DLG4: variants seen among roughly 807,000 people sequenced by gnomAD.
DLG4 encodes discs large MAGUK scaffold protein 4.
A neutral mutation model predicts 93.8 loss-of-function variants in DLG4; 7 were observed. The ratio of observed to expected loss-of-function variants is 0.07; its 90% CI spans 0.04 to 0.14. The LOEUF is 0.14. DLG4 is among the 10% of genes least tolerant of loss of function. DLG4 has a pLI of 1.00. For synonymous variants in DLG4, 341 were observed against 387.6 expected (o/e 0.88, Z 1.41); for missense variants, 545 against 992.9 (o/e 0.55, Z 6.06).
Position 7,194,347 on chromosome 17 carries a change from C to A in DLG4, c.1450G>T (p.Asp484Tyr). ...CGTTTGCTGGGGATGAACCCAATGTCGTCGGTCTCACTGTCAGAGTGGACC... is the reference window on the plus strand; with the variant it reads ...CGTTTGCTGGGGATGAACCCAATGTAGTCGGTCTCACTGTCAGAGTGGACC... ...RRVHSDSETD[D>Y]IGFIPSKRRV... Residue 484 changes from aspartate (D) to tyrosine (Y), a missense_variant, in exon 12 of 20, where the codon GAC becomes TAC. This residue lies in a region of DLG4 where 428 missense variants were observed against 741.4 expected (regional missense o/e 0.58). Coordinates refer to ENST00000399506, the MANE Select transcript of DLG4 (RefSeq NM_001321075.3). The surrounding 1 kb of genome is among the most constrained non-coding windows in gnomAD (Gnocchi z 4.4). 6.2e-7 allele frequency: 1 copy of A among 1,607,532 alleles called. No individual in the cohort carries two copies.
At chr17:7,206,828 C>G (rs1300971262) in intron 2 of DLG4, among the ~76,000 whole-genome samples, 1 of 152,134 alleles carries the variant, frequency 6.6e-6, no homozygotes, top group African/African-American at 2.4e-5. Flanking sequence ...TCCTCCCCAT[C>G]TTCTTGGTGA....
At chr17:7,207,692 G>T (rs908969667) in intron 2 of DLG4, among the ~76,000 whole-genome samples, 1 of 151,010 alleles carries the variant, frequency 6.6e-6, no homozygotes. Context: ...CAACACACAC[G>T]CATACAGCAC....
Position 7,205,021 on chromosome 17 carries a change from A to G in DLG4, c.97-769T>C, listed in dbSNP as rs915560426. ...GGCCGACCAAACTCCTGAGCGCAGA[A>G]GGGATCCGCTAGCCCCGCCTCTCCT... On this transcript the variant is annotated intron_variant, in intron 2 of 19. Coordinates refer to ENST00000399506, the MANE Select transcript of DLG4 (RefSeq NM_001321075.3). 5.9e-5 allele frequency: 58 copies of G among 985,212 alleles called. 1 individual carries two copies. In the African/African-American group the frequency reaches 9.4e-4, roughly 16 times the overall value. The allele number at this position is 985,212 out of a possible 1,614,324, so 61.0% of individuals were successfully genotyped here.
Position 7,202,928 on chromosome 17 carries a change from G to A in DLG4, c.762C>T (p.Ser254=). ...AGGTTGTGATGTCTGGGGGAGCATA[G>A]CTGTCACTCAGGTAGGCATTGCTGG... ...AKPSNAYLSD[S]YAPPDITTSY... Residue 254 remains serine, a synonymous_variant, in exon 8 of 20, where the codon AGC becomes AGT. Transcript: ENST00000399506. The A allele has an allele frequency of 6.2e-7, 1 of 1,614,042 alleles. No homozygotes were observed. Among genetic ancestry groups the A allele is most frequent in the Non-Finnish European group, 8.5e-7 (1 of 1,179,896 alleles).
At position 7,189,863 on chromosome 17, in the gene DLG4, T is replaced by C. The variant is rs945286516; in HGVS notation, c.*845A>G. ...GCGCCCATCTCCCTCCACACCCAGG[T>C]CCCAAATAACCAGGCCACACACCAA... On this transcript the variant is annotated 3_prime_UTR_variant, in exon 20 of 20. Transcript: ENST00000399506. 6.6e-6 allele frequency: 1 copy of C among 152,442 alleles called. No individual in the cohort carries two copies. The highest frequency in any genetic ancestry group is 2.4e-5 in the African/African-American group (1 of 41,350). The allele number at this position is 152,442 out of a possible 1,614,324, so 9.4% of individuals were successfully genotyped here. A position where few individuals can be genotyped will look rare whatever the true frequency, so the allele number is the denominator to read the frequency against.
intron 2 of DLG4, among the ~76,000 whole-genome samples, chr17:7,205,495 T>C (rs979510220): frequency 6.6e-6 from 1 of 152,066 alleles, no homozygotes; most frequent in African/African-American, 2.4e-5. Flanking sequence ...CCAGTCTCCT[T>C]CCCGCTCTCC....
In DLG4 at chr17:7,188,038, C is replaced by A. The variant is rs1212239197; in HGVS notation, c.*2670G>T. Among the ~76,000 whole-genome samples the A allele has an allele frequency of 6.7e-6, 1 of 150,296 alleles. No homozygotes were observed. The highest frequency in any genetic ancestry group is 2.5e-5 in the African/African-American group (1 of 40,694). ...TGAGCCGAGATCGCGCCATTGCACT[C>A]CAGCTTGGGCAACAAAAGTGAAACT... is the stretch of plus-strand genomic sequence containing the variant. On this transcript the variant is annotated 3_prime_UTR_variant, in exon 20 of 20. Transcript: ENST00000399506.
In DLG4 at chr17:7,204,424, C is replaced by A. The variant is rs898260017; in HGVS notation, c.97-172G>T. On this transcript the variant is annotated intron_variant, in intron 2 of 19. Transcript: ENST00000399506. ...TCAATCCACATCACACACACGCACA[C>A]GCGTGCACATGCGCACGCGCACACA... is the stretch of plus-strand genomic sequence containing the variant. 2.7e-5 allele frequency: 17 copies of A among 632,264 alleles called. No individual in the cohort carries two copies. In the African/African-American group the frequency reaches 2.8e-4, roughly 10 times the overall value. The allele number at this position is 632,264 out of a possible 1,614,324, so 39.2% of individuals were successfully genotyped here.
chr17:7,218,835 T>G, upstream of DLG4: 2 of 1,613,856 alleles, frequency 1.2e-6, no homozygotes, highest in Non-Finnish European at 1.7e-6. Context: ...TTTCACCTCT[T>G]GGTCTCTGGG....
At position 7,208,176 on chromosome 17, in the gene DLG4, G is replaced by C; in HGVS notation, c.94C>G (p.Gln32Glu). The change falls in exon 2 of 20, where the codon CAG becomes GAG. Residue 32 changes from glutamine (Q) to glutamate (E), a missense_variant and splice_region_variant. This residue lies in a region of DLG4 where 49 missense variants were observed against 80.4 expected (regional missense o/e 0.61). Coordinates refer to ENST00000399506, the MANE Select transcript of DLG4 (RefSeq NM_001321075.3). The surrounding 1 kb of genome is among the most constrained non-coding windows in gnomAD (Gnocchi z 5.4). Reference sequence around the variant, plus strand: ...TGCACCAGCTCGGGGGCGTTTACCTGGTTGGGGAGGTGGGCCGGGCTGTGC... The same window carrying C: ...TGCACCAGCTCGGGGGCGTTTACCTCGTTGGGGAGGTGGGCCGGGCTGTGC... ...LEHSPAHLPN[Q>E]ANSPPVIVNT... 7.6e-7 allele frequency: 1 copy of C among 1,316,010 alleles called. No individual in the cohort carries two copies. Among genetic ancestry groups the C allele is most frequent in the Non-Finnish European group, 9.8e-7 (1 of 1,022,866 alleles). The allele number at this position is 1,316,010 out of a possible 1,614,324, so 81.5% of individuals were successfully genotyped here.
rs2069362402 is a variant in DLG4 at position 7,188,789 on chromosome 17, C to G, written c.*1919G>C. Among the ~76,000 whole-genome samples, 1 of 152,092 alleles carries G rather than the reference C, an allele frequency of 6.6e-6. No homozygotes were observed. The highest frequency in any genetic ancestry group is 1.5e-5 in the Non-Finnish European group (1 of 68,032). On this transcript the variant is annotated 3_prime_UTR_variant, in exon 20 of 20. Transcript: ENST00000399506. ...CTTATTTTCCTACCCTCATTATTTA[C>G]AAAGCTGCCTCAGATCTTTCCCATA...
In DLG4 at chr17:7,188,120, A is replaced by G. The variant is rs997552249; in HGVS notation, c.*2588T>C. 7.3e-5 allele frequency among the ~76,000 whole-genome samples: 11 copies of G among 151,522 alleles called. No homozygotes were observed. The highest frequency in any genetic ancestry group is 7.3e-5 in the African/African-American group (3 of 41,246). On this transcript the variant is annotated 3_prime_UTR_variant, in exon 20 of 20. Coordinates refer to ENST00000399506, the MANE Select transcript of DLG4 (RefSeq NM_001321075.3). ...TGAAGCAGTGCTTCTCCACCCAGTG[A>G]GACATCAAAATCACCCGGGAGCTTT...
intron 1 of DLG4, among the ~76,000 whole-genome samples, chr17:7,216,870 C>G (rs1351762786): frequency 2.0e-5 from 3 of 152,100 alleles, no homozygotes; most frequent in East Asian, 3.9e-4. Context: ...ACCCGCCAGG[C>G]CCCCCGAACC....
chr17:7,219,305 G>A (rs2017365), upstream of DLG4: 455,276 of 757,688 alleles, frequency 0.6, 139,323 homozygotes, highest in Middle Eastern at 0.72. Flanking sequence ...CTGGGCACAT[G>A]GTCTCTGGAA....
chr17:7,189,413 A>T lies in DLG4; in HGVS notation c.*1295T>A, dbSNP rs2069382480. Among the ~76,000 whole-genome samples the T allele has an allele frequency of 6.6e-6, 1 of 151,488 alleles. No individual in the cohort carries two copies. Among genetic ancestry groups the T allele is most frequent in the African/African-American group, 2.4e-5 (1 of 41,202 alleles). ...CTGAGGCAGGAGAATCACTTGAACCAGGGTGGCAGAGATCACAGTGAGCCG... is the reference window on the plus strand; with the variant it reads ...CTGAGGCAGGAGAATCACTTGAACCTGGGTGGCAGAGATCACAGTGAGCCG... On this transcript the variant is annotated 3_prime_UTR_variant, in exon 20 of 20. Transcript: ENST00000399506.
Position 7,187,547 on chromosome 17 carries a change from C to CAATAATAATAAGAATAATAAT in DLG4, c.*3160_*3161insATTATTATTCTTATTATTATT, listed in dbSNP as rs2069328984. 6.9e-6 allele frequency among the ~76,000 whole-genome samples: 1 copy of CAATAATAATAAGAATAATAAT among 145,808 alleles called. No homozygotes were observed. The highest frequency in any genetic ancestry group is 2.5e-5 in the African/African-American group (1 of 39,558). ...GGCAACAAGAGCGAAACTCTGTCTC[C>CAATAATAATAAGAATAATAAT]AATAATAATAATAATAATAATAATA... On this transcript the variant is annotated 3_prime_UTR_variant, in exon 20 of 20. Transcript: ENST00000399506.
At chr17:7,217,813 G>T (rs1441310624), upstream of DLG4, 2 of 1,534,992 alleles carry the variant, frequency 1.3e-6, no homozygotes, top group Non-Finnish European at 8.7e-7. Context: ...CAGCAAAGAC[G>T]ATGAGGCTGG....
In DLG4 at chr17:7,196,682, A is replaced by G; in HGVS notation, c.1083+75T>C. On this transcript the variant is annotated intron_variant, in intron 9 of 19. Coordinates refer to ENST00000399506, the MANE Select transcript of DLG4 (RefSeq NM_001321075.3). This position sits in a 1 kb window ranked among gnomAD's most constrained non-coding sequence, Gnocchi z 8.3. ...AAGAGGACTCGGCTGCAGCCCATCC[A>G]GGCCCCTCCCCAAGAGCTCTGCGCT... 6.3e-7 allele frequency: 1 copy of G among 1,580,618 alleles called. No homozygotes were observed. Among genetic ancestry groups the G allele is most frequent in the Non-Finnish European group, 8.6e-7 (1 of 1,162,770 alleles).
intron 3 of DLG4, 45 bp from the exon 4 acceptor site, chr17:7,204,112 T>C: frequency 6.2e-7 from 1 of 1,600,478 alleles, no homozygotes; most frequent in Non-Finnish European, 8.5e-7. Context: ...GACATTCCTG[T>C]CTGACCACCT....
Sources: gnomAD v4.1 joint callset for allele counts (sites outside exome capture counted in the v4.1 genomes callset) on GRCh38, gnomAD v4.1.1 for gene constraint, gnomAD v4.1.1 regional missense constraint, Gnocchi (gnomAD v3.1) non-coding constraint, MANE v1.5 for transcripts, NCBI Gene and HGNC (gene_info 2026-07-23, HGNC 2026-07-21) for gene names.